GLB1L2: variants seen among roughly 807,000 people sequenced by gnomAD.
The protein encoded by GLB1L2 is galactosidase beta 1 like 2, also known as beta-galactosidase-1-like protein 2.
GLB1L2 carries 68 observed loss-of-function variants against 84.1 expected under a neutral mutation model. That is an observed-to-expected ratio of 0.81 (90% CI 0.67 to 0.99). The LOEUF is 0.99. GLB1L2 is among the 50% of genes least tolerant of loss of function. The pLI is 0.00. For synonymous variants in GLB1L2, 290 were observed against 318.0 expected, an observed-to-expected ratio of 0.91 and a Z score of 0.94; for missense variants, 762 against 805.6, an observed-to-expected ratio of 0.95 and a Z score of 0.66.
chr11:134,366,344 G>A (rs1411281374), intron 8 of GLB1L2, among the ~76,000 whole-genome samples: 1 of 152,180 alleles, frequency 6.6e-6, no homozygotes, highest in Non-Finnish European at 1.5e-5. Context: ...CTTTAACCCG[G>A]GTATGGCTGG....
At chr11:134,348,424 C>G (rs1480235840) in intron 5 of GLB1L2, among the ~76,000 whole-genome samples, 3 of 152,146 alleles carry the variant, frequency 2.0e-5, no homozygotes, top group African/African-American at 7.2e-5. Context: ...TGGGGATCAG[C>G]AGGTTGTAGG....
intron 6 of GLB1L2, among the ~76,000 whole-genome samples, chr11:134,357,340 C>G (rs902293380): frequency 1.3e-5 from 2 of 152,248 alleles, no homozygotes; most frequent in African/African-American, 4.8e-5. Context: ...TACTCTTCCC[C>G]CTTCTCACCT....
chr11:134,369,063 C>T (rs950481730), intron 10 of GLB1L2, among the ~76,000 whole-genome samples: 12 of 152,278 alleles, frequency 7.9e-5, no homozygotes, highest in Middle Eastern at 3.4e-3. Flanking sequence ...CAGGGAGGGA[C>T]GGTGGCCTCC....
At chr11:134,349,034 A>T (rs902982316) in intron 5 of GLB1L2, among the ~76,000 whole-genome samples, 1 of 152,154 alleles carries the variant, frequency 6.6e-6, no homozygotes, top group Admixed American at 6.5e-5. Context: ...GGGAGAACAC[A>T]GTCTATTGCA....
chr11:134,367,147 G>A, intron 8 of GLB1L2, 110 bp from the exon 9 acceptor site: 1 of 959,442 alleles, frequency 1.0e-6, no homozygotes, highest in Non-Finnish European at 1.6e-6. Context: ...TGGGTATGCA[G>A]ACAGGGAAGA....
intron 5 of GLB1L2, among the ~76,000 whole-genome samples, chr11:134,350,740 T>C (rs947672640): frequency 6.6e-6 from 1 of 152,250 alleles, no homozygotes. Context: ...AGTATTTTGT[T>C]TGTAATGTAC....
In GLB1L2 at chr11:134,374,251, C is replaced by G; in HGVS notation, c.1702C>G (p.Leu568Val). The G allele has an allele frequency of 6.2e-7, 1 of 1,607,364 alleles. No individual in the cohort carries two copies. Among genetic ancestry groups the G allele is most frequent in the Non-Finnish European group, 8.5e-7 (1 of 1,173,834 alleles). ...SSTPCDTFLK[L>V]EGWEKGVVFI... Reference sequence around the variant, plus strand: ...CACCCCTTGTGACACCTTTCTGAAGCTGGAGGTTGGTAACGCCCTTTTCCC... The same window carrying G: ...CACCCCTTGTGACACCTTTCTGAAGGTGGAGGTTGGTAACGCCCTTTTCCC... Residue 568 changes from leucine to valine, a missense_variant, in exon 17 of 19, where the codon CTG becomes GTG. Physicochemically the swap from Leu to Val is conservative, Grantham distance 32 (BLOSUM62 1). Transcript: ENST00000535456.
Position 134,347,448 on chromosome 11 carries a change from G to A in GLB1L2, c.558+15G>A. 1 of 1,549,540 alleles carries A rather than the reference G, an allele frequency of 6.5e-7. No individual in the cohort carries two copies. The highest frequency in any genetic ancestry group is 8.9e-7 in the Non-Finnish European group (1 of 1,121,268). ...TGCCACTCCAGGTACAAGCAAATGG[G>A]GTCTTCTTTGATCTTGGTCTGTCTT... is the stretch of plus-strand genomic sequence containing the variant. On this transcript the variant is annotated intron_variant, in intron 5 of 18. Coordinates refer to ENST00000535456, the MANE Select transcript of GLB1L2 (RefSeq NM_001370461.1).
intron 9 of GLB1L2, among the ~76,000 whole-genome samples, chr11:134,367,688 G>A (rs531833917): frequency 3.9e-4 from 60 of 152,282 alleles, no homozygotes; most frequent in African/African-American, 9.9e-4. Context: ...TATCTCTGCC[G>A]ACAGCTCTAT....
chr11:134,364,932 G>T (rs550923966), intron 8 of GLB1L2: 1 of 152,900 alleles, frequency 6.5e-6, no homozygotes, highest in African/African-American at 2.4e-5. Context: ...TCGAGCTCGC[G>T]TGCCCCTCCG....
In GLB1L2 at chr11:134,338,322, C is replaced by T. The variant is rs781465779; in HGVS notation, c.87-4432C>T. On this transcript the variant is annotated intron_variant, in intron 1 of 18. Coordinates refer to ENST00000535456, the MANE Select transcript of GLB1L2 (RefSeq NM_001370461.1). The surrounding 1 kb of genome is among the most constrained non-coding windows in gnomAD (Gnocchi z 6.2). ...AGGGATGCCCGCTGGCATGGCAGGA[C>T]GCATTTCAAGCCTGGCACACTTCAC... is the stretch of plus-strand genomic sequence containing the variant. 1.7e-4 allele frequency among the ~76,000 whole-genome samples: 26 copies of T among 152,192 alleles called. No homozygotes were observed. The highest frequency in any genetic ancestry group is 3.4e-4 in the Non-Finnish European group (23 of 68,044).
In GLB1L2 at chr11:134,370,245, C is replaced by T; in HGVS notation, c.1109-48C>T. On this transcript the variant is annotated intron_variant, in intron 11 of 18. Transcript: ENST00000535456. The surrounding 1 kb of genome is among the most constrained non-coding windows in gnomAD (Gnocchi z 4.7). Reference sequence around the variant, plus strand: ...GAGCCGGGTGGGGAGGACGAGCAGGCAGTGACATTTGGGTCCGTTGGGGGT... The same window carrying T: ...GAGCCGGGTGGGGAGGACGAGCAGGTAGTGACATTTGGGTCCGTTGGGGGT... 1 of 1,489,808 alleles carries T rather than the reference C, an allele frequency of 6.7e-7. No individual in the cohort carries two copies. Among genetic ancestry groups the T allele is most frequent in the Non-Finnish European group, 9.4e-7 (1 of 1,067,160 alleles). 92.3% of individuals were successfully genotyped at this position (1,489,808 alleles called of 1,614,324 possible). A position where few individuals can be genotyped will look rare whatever the true frequency, so the allele number is the denominator to read the frequency against.
intron 1 of GLB1L2, among the ~76,000 whole-genome samples, chr11:134,335,384 G>A (rs1223748307): frequency 2.6e-5 from 4 of 152,018 alleles, no homozygotes; most frequent in Non-Finnish European, 4.4e-5. Context: ...CATATTTCAT[G>A]GAATGTTCAA....
At chr11:134,364,216 C>T in intron 7 of GLB1L2, 112 bp from the exon 8 acceptor site, 2 of 806,014 alleles carry the variant, frequency 2.5e-6, no homozygotes, top group Admixed American at 4.7e-5. Context: ...GAAACGGTGT[C>T]AGGGCCGCTT....
chr11:134,368,705 C>T lies in GLB1L2; in HGVS notation c.951C>T (p.Phe317=), dbSNP rs35217320. 8,938 of 1,613,960 alleles carry T rather than the reference C, an allele frequency of 5.5e-3. 285 individuals are homozygous for T. The African/African-American group carries it at 0.086, about 16-fold the overall frequency. ...GCTCCTCCATCAACCTCTACATGTTCCACGGAGGCACCAACTTTGGCTTCA... is the reference window on the plus strand; with the variant it reads ...GCTCCTCCATCAACCTCTACATGTTTCACGGAGGCACCAACTTTGGCTTCA... ...DAGSSINLYM[F]HGGTNFGFMN... is the part of the protein sequence containing the mutation. Residue 317 remains phenylalanine (F), a synonymous_variant, in exon 10 of 19, where the codon TTC becomes TTT. Coordinates refer to ENST00000535456, the MANE Select transcript of GLB1L2 (RefSeq NM_001370461.1).
chr11:134,371,857 G>A, intron 15 of GLB1L2, 27 bp downstream of exon 15: 1 of 1,604,492 alleles, frequency 6.2e-7, no homozygotes, highest in Non-Finnish European at 8.5e-7. Context: ...GTCAAAAGAA[G>A]AGTGGCCATG....
intron 18 of GLB1L2, 76 bp downstream of exon 18, chr11:134,374,794 T>G: frequency 7.9e-7 from 1 of 1,271,990 alleles, no homozygotes; most frequent in South Asian, 1.2e-5. Flanking sequence ...TCGGTCAGGG[T>G]GGAGGGGCGT....
Position 134,369,793 on chromosome 11 carries a change from G to T in GLB1L2, c.1028-12G>T. ...GACAGGAATGACCATGACAGGGCCCGGTGTCTTGCAGACTATGATGCTGTG... is the reference window on the plus strand; with the variant it reads ...GACAGGAATGACCATGACAGGGCCCTGTGTCTTGCAGACTATGATGCTGTG... On this transcript the variant is annotated splice_polypyrimidine_tract_variant and intron_variant, in intron 10 of 18. Transcript: ENST00000535456. 1 of 1,606,018 alleles carries T rather than the reference G, an allele frequency of 6.2e-7. No homozygotes were observed. The highest frequency in any genetic ancestry group is 8.5e-7 in the Non-Finnish European group (1 of 1,173,302).
chr11:134,337,245 T>G (rs1446348181), intron 1 of GLB1L2, among the ~76,000 whole-genome samples: 3 of 152,236 alleles, frequency 2.0e-5, no homozygotes, highest in Non-Finnish European at 4.4e-5. Flanking sequence ...GACCTCTTGC[T>G]GGGGACCTCA....
Sources: allele counts gnomAD v4.1 joint callset (sites outside exome capture counted in the v4.1 genomes callset), GRCh38; gene constraint gnomAD v4.1.1; non-coding constraint Gnocchi (gnomAD v3.1); transcripts MANE v1.5; gene names NCBI Gene and HGNC (gene_info 2026-07-23, HGNC 2026-07-21).